CDH12: variants seen among roughly 807,000 people sequenced by gnomAD.
CDH12 encodes cadherin-12.
Under a neutral mutation model 74.1 loss-of-function variants are expected in CDH12, and 41 were observed. The observed-to-expected ratio is 0.55, with a 90% CI of 0.43 to 0.72. CDH12 has a LOEUF of 0.72. CDH12 is among the 30% of genes least tolerant of loss of function. The pLI is 0.00. For missense variants in CDH12, 945 were observed against 977.2 expected, an observed-to-expected ratio of 0.97 and a Z score of 0.44; for synonymous variants, 399 against 355.0, an observed-to-expected ratio of 1.12 and a Z score of -1.39.
intron 6 of CDH12, among the ~76,000 whole-genome samples, chr5:21,869,795 C>A (rs1474696142): frequency 1.3e-5 from 2 of 152,118 alleles, no homozygotes; most frequent in Non-Finnish European, 2.9e-5. Context: ...TAAGGAAATG[C>A]ATATGGGTGC....
intron 1 of CDH12, among the ~76,000 whole-genome samples, chr5:22,687,131 TA>T (rs1316592591): frequency 6.6e-6 from 1 of 151,982 alleles, no homozygotes; most frequent in Non-Finnish European, 1.5e-5. Flanking sequence ...CCGTCTGTAC[TA>T]AAAATACAAA....
chr5:22,287,463 G>A (rs1241161166), intron 3 of CDH12, among the ~76,000 whole-genome samples: 3 of 151,920 alleles, frequency 2.0e-5, no homozygotes, highest in Non-Finnish European at 2.9e-5. Context: ...GGTGGCTCAC[G>A]CCTGTAATCC....
chr5:22,116,398 G>A (rs569320756), intron 4 of CDH12, among the ~76,000 whole-genome samples: 1 of 152,266 alleles, frequency 6.6e-6, no homozygotes, highest in African/African-American at 2.4e-5. Context: ...GAGGTCAGGA[G>A]ATAGAGACCA....
At chr5:21,985,871 A>G (rs1757496010) in intron 5 of CDH12, among the ~76,000 whole-genome samples, 1 of 152,196 alleles carries the variant, frequency 6.6e-6, no homozygotes, top group African/African-American at 2.4e-5. Context: ...AAGATGATCT[A>G]TAACTCTGCC....
chr5:22,836,528 C>A lies in CDH12; in HGVS notation c.-523+16530G>T, dbSNP rs1262051571. On this transcript the variant is annotated intron_variant, in intron 1 of 14. Transcript: ENST00000382254. ...ACAGGCATGAGCCACTGCGCCCAGC[C>A]AGTCCTGATGCTTTTTAAGGGGCTT... Among the ~76,000 whole-genome samples, 4 of 151,952 alleles carry A rather than the reference C, an allele frequency of 2.6e-5. No homozygotes were observed. The East Asian group carries it at 7.8e-4, about 29-fold the overall frequency.
chr5:22,721,857 C>A (rs1180458788), intron 1 of CDH12, among the ~76,000 whole-genome samples: 1 of 152,118 alleles, frequency 6.6e-6, no homozygotes, highest in African/African-American at 2.4e-5. Flanking sequence ...CTCTTTCCTG[C>A]TGCCTTGTGA....
chr5:21,944,090 TTAAC>T (rs1322591107), intron 6 of CDH12, among the ~76,000 whole-genome samples: 1 of 152,208 alleles, frequency 6.6e-6, no homozygotes, highest in East Asian at 1.9e-4. Flanking sequence ...CATTTAAAGA[TTAAC>T]TAATACAAAC....
intron 3 of CDH12, among the ~76,000 whole-genome samples, chr5:22,324,647 C>G (rs1191420618): frequency 4.6e-5 from 7 of 151,596 alleles, no homozygotes; most frequent in Non-Finnish European, 7.4e-5. Flanking sequence ...TATCTGACCA[C>G]TTAACTATAG....
intron 2 of CDH12, among the ~76,000 whole-genome samples, chr5:22,413,707 G>A (rs1172271169): frequency 2.0e-5 from 3 of 152,106 alleles, no homozygotes; most frequent in Admixed American, 2.0e-4. Context: ...CATTAGCATA[G>A]CATATAGACA....
chr5:22,484,661 A>G (rs532744530), intron 2 of CDH12, among the ~76,000 whole-genome samples: 6 of 152,342 alleles, frequency 3.9e-5, no homozygotes, highest in African/African-American at 1.4e-4. Context: ...GGGAGATGCC[A>G]GCACCGACAA....
intron 2 of CDH12, among the ~76,000 whole-genome samples, chr5:22,483,763 T>TATATATATATATATATATATATAA (rs902754630): frequency 0.018 from 1,681 of 91,750 alleles, 201 homozygotes; most frequent in South Asian, 0.032. Context: ...TATATATATA[T>TATATATATATATATATATATATAA]AAATTTAATT....
At chr5:22,761,075 G>T (rs1055002423) in intron 1 of CDH12, among the ~76,000 whole-genome samples, 1 of 152,124 alleles carries the variant, frequency 6.6e-6, no homozygotes, top group Non-Finnish European at 1.5e-5. Flanking sequence ...AGTCATAACT[G>T]TTTTTTTGTC....
chr5:21,804,339 G>A lies in CDH12; in HGVS notation c.1003-1919C>T, dbSNP rs73054930. ...TCACCCAGTGATGTTCCTTTGATCA[G>A]CCTAAAGCTTGAATACTGTGTTTTG... is the stretch of plus-strand genomic sequence containing the variant. On this transcript the variant is annotated intron_variant, in intron 9 of 14. Transcript: ENST00000382254. 8.7e-3 allele frequency among the ~76,000 whole-genome samples: 1,327 copies of A among 152,186 alleles called. 24 individuals are homozygous for A. The highest frequency in any genetic ancestry group is 0.029 in the African/African-American group (1,214 of 41,542).
In CDH12 at chr5:21,751,125, T is replaced by C. The variant is rs774870757; in HGVS notation, c.*612A>G. ...TAGGATAAACAAATACGTTTTAGCATACAGTTTAAAAAAGAAAAAGAAAAC... is the reference window on the plus strand; with the variant it reads ...TAGGATAAACAAATACGTTTTAGCACACAGTTTAAAAAAGAAAAAGAAAAC... On this transcript the variant is annotated 3_prime_UTR_variant, in exon 15 of 15. Coordinates refer to ENST00000382254, the MANE Select transcript of CDH12 (RefSeq NM_004061.5). 2 of 152,694 alleles carry C rather than the reference T, an allele frequency of 1.3e-5. No homozygotes were observed. The highest frequency in any genetic ancestry group is 2.9e-5 in the Non-Finnish European group (2 of 68,116). The allele number at this position is 152,694 out of a possible 1,614,324, so 9.5% of individuals were successfully genotyped here.
At chr5:22,799,699 A>G (rs1202286100) in intron 1 of CDH12, among the ~76,000 whole-genome samples, 2 of 152,082 alleles carry the variant, frequency 1.3e-5, no homozygotes, top group African/African-American at 4.8e-5. Flanking sequence ...AGTACTCAGT[A>G]CTCCCCACAT....
chr5:22,017,413 C>A (rs1314319134), intron 5 of CDH12, among the ~76,000 whole-genome samples: 4 of 152,114 alleles, frequency 2.6e-5, no homozygotes, highest in African/African-American at 9.7e-5. Context: ...CTCCTCTCTC[C>A]TCCTCACCCT....
intron 1 of CDH12, among the ~76,000 whole-genome samples, chr5:22,553,531 A>G (rs10473598): frequency 1.3e-5 from 2 of 152,036 alleles, no homozygotes; most frequent in Non-Finnish European, 2.9e-5. Context: ...ATATTAATAC[A>G]TCCCAAAATG....
rs199890081 is a variant in CDH12, at chr5:22,266,411, G to GT, written c.-332-53769dup. Among the ~76,000 whole-genome samples, 509 of 152,058 alleles carry GT rather than the reference G, an allele frequency of 3.3e-3. 2 individuals are homozygous for GT. The highest frequency in any genetic ancestry group is 0.012 in the African/African-American group (482 of 41,482). ...TTTTAATTAAACCATAATCTCTATT[G>GT]TTTTTTATCTGGAAGAGGATATTTT... On this transcript the variant is annotated intron_variant, in intron 3 of 14. Coordinates refer to ENST00000382254, the MANE Select transcript of CDH12 (RefSeq NM_004061.5).
chr5:22,111,718 C>A (rs1438111298), intron 4 of CDH12, among the ~76,000 whole-genome samples: 1 of 152,162 alleles, frequency 6.6e-6, no homozygotes, highest in Non-Finnish European at 1.5e-5. Flanking sequence ...GGAAGAGACA[C>A]TTTCCGTTCT....
Sources: gnomAD v4.1 joint callset for allele counts (sites outside exome capture counted in the v4.1 genomes callset) on GRCh38, gnomAD v4.1.1 for gene constraint, MANE v1.5 for transcripts, NCBI Gene and HGNC (gene_info 2026-07-23, HGNC 2026-07-21) for gene names.